The following CARD14 variants were observed in gnomAD, a reference collection of about 807,000 sequenced individuals.
CARD14 encodes caspase recruitment domain-containing protein 14.
A neutral mutation model predicts 111.5 loss-of-function variants in CARD14; 107 were observed. That is an observed-to-expected ratio of 0.96 (90% CI 0.82 to 1.13). The LOEUF (loss-of-function observed/expected upper bound fraction) is 1.13. Among genes scored for constraint, CARD14 ranks in the 50% most tolerant of loss-of-function variants. The pLI, the probability that CARD14 is intolerant of heterozygous loss-of-function variation, is 0.00. For missense variants in CARD14, 1,322 were observed against 1,362.3 expected (o/e 0.97, Z 0.47); for synonymous variants, 617 against 579.6 (o/e 1.06, Z -0.93).
At position 80,187,757 on chromosome 17, in the gene CARD14, G is replaced by C. The variant is rs1001777008; in HGVS notation, c.676-620G>C. On this transcript the variant is annotated intron_variant, in intron 7 of 23. Transcript: ENST00000648509. ...GGCTGCCACACCCAGGACGGGAAGAGGGCGGGCCCGTGGCTCGAGCTCCAA... is the reference window on the plus strand; with the variant it reads ...GGCTGCCACACCCAGGACGGGAAGACGGCGGGCCCGTGGCTCGAGCTCCAA... The C allele has an allele frequency of 2.9e-5, 29 of 985,352 alleles. No homozygotes were observed. In the East Asian group the frequency reaches 3.4e-4, roughly 12 times the overall value. 61.0% of individuals were successfully genotyped at this position (985,352 alleles called of 1,614,324 possible).
At position 80,208,402 on chromosome 17, in the gene CARD14, C is replaced by T. The variant is rs1567910027; in HGVS notation, c.*57C>T. ...CTTCTGTGTGCCTGTTAATGCAGTC[C>T]TGTTCCTCAGCCCAGGCCCTCTTGG... On this transcript the variant is annotated 3_prime_UTR_variant, in exon 24 of 24. Transcript: ENST00000648509. 3 of 1,444,244 alleles carry T rather than the reference C, an allele frequency of 2.1e-6. No individual in the cohort carries two copies. Among genetic ancestry groups the T allele is most frequent in the Non-Finnish European group, 2.8e-6 (3 of 1,067,914 alleles). The allele number at this position is 1,444,244 out of a possible 1,614,324, so 89.5% of individuals were successfully genotyped here.
intron 16 of CARD14, chr17:80,199,020 C>A: frequency 1.5e-6 from 1 of 679,288 alleles, no homozygotes; most frequent in Non-Finnish European, 1.8e-6. Flanking sequence ...GCGATCACAG[C>A]TCACTGCAGC....
chr17:80,171,934 T>C (rs1318799384), intron 1 of CARD14, among the ~76,000 whole-genome samples: 1 of 152,170 alleles, frequency 6.6e-6, no homozygotes, highest in Admixed American at 6.5e-5. Flanking sequence ...CGTTGCCACC[T>C]GGACCCAGCC....
rs377287985 is a variant in CARD14, at chr17:80,191,308, C to T, written c.1090-15C>T. ...GGTGATGGCGCGGCCTCCTTACTCCCGTCGTGGCCCACAGGCGTACTCCGC... is the reference window on the plus strand; with the variant it reads ...GGTGATGGCGCGGCCTCCTTACTCCTGTCGTGGCCCACAGGCGTACTCCGC... On this transcript the variant is annotated splice_polypyrimidine_tract_variant and intron_variant, in intron 10 of 23. Coordinates refer to ENST00000648509, the MANE Select transcript of CARD14 (RefSeq NM_001366385.1). 285 of 1,602,792 alleles carry T rather than the reference C, an allele frequency of 1.8e-4. No homozygotes were observed. In the African/African-American group the frequency reaches 3.4e-3, roughly 19 times the overall value.
chr17:80,187,282 G>A (rs956394793), intron 7 of CARD14, among the ~76,000 whole-genome samples: 18 of 152,202 alleles, frequency 1.2e-4, no homozygotes, highest in Non-Finnish European at 2.9e-5. Context: ...TAAGACGGGT[G>A]CCGGACTTGT....
At chr17:80,194,100 C>A (rs767541464) in intron 12 of CARD14, among the ~76,000 whole-genome samples, 1 of 152,102 alleles carries the variant, frequency 6.6e-6, no homozygotes, top group Non-Finnish European at 1.5e-5. Context: ...GGGCTCTCTG[C>A]GTGCCACTGC....
intron 2 of CARD14, among the ~76,000 whole-genome samples, chr17:80,176,848 G>A (rs1261539397): frequency 1.3e-5 from 2 of 152,212 alleles, no homozygotes; most frequent in Admixed American, 6.5e-5. Context: ...GGCTTCTACT[G>A]GGTGGAGGCC....
Position 80,188,593 on chromosome 17 carries a change from T to C in CARD14, c.843+49T>C. The C allele has an allele frequency of 7.1e-7, 1 of 1,409,464 alleles. No individual in the cohort carries two copies. Among genetic ancestry groups the C allele is most frequent in the Non-Finnish European group, 9.3e-7 (1 of 1,076,136 alleles). 87.3% of individuals were successfully genotyped at this position (1,409,464 alleles called of 1,614,324 possible). A position where few individuals can be genotyped will look rare whatever the true frequency, so the allele number is the denominator to read the frequency against. ...AGAGCGGCCTCCTGCCTTGGGGGCTTGGCCCTCAGGCTGTGGGGTTTCTGA... is the reference window on the plus strand; with the variant it reads ...AGAGCGGCCTCCTGCCTTGGGGGCTCGGCCCTCAGGCTGTGGGGTTTCTGA... On this transcript the variant is annotated intron_variant, in intron 8 of 23. Transcript: ENST00000648509. This position sits in a 1 kb window ranked among gnomAD's most constrained non-coding sequence, Gnocchi z 4.5.
At chr17:80,181,311 G>A (rs1323070561) in intron 4 of CARD14, 108 bp from the exon 5 acceptor site, 1 of 796,300 alleles carries the variant, frequency 1.3e-6, no homozygotes, top group Non-Finnish European at 2.0e-6. Flanking sequence ...CTGGCAAAGA[G>A]TGCGCCTTGC....
At chr17:80,190,484 G>A (rs1413295925) in intron 9 of CARD14, among the ~76,000 whole-genome samples, 4 of 151,998 alleles carry the variant, frequency 2.6e-5, no homozygotes, top group Non-Finnish European at 5.9e-5. Flanking sequence ...CTGGTGGTGT[G>A]TGCCTGTAAT....
intron 20 of CARD14, 28 bp from the exon 21 acceptor site, chr17:80,205,007 C>A: frequency 6.5e-7 from 1 of 1,527,158 alleles, no homozygotes; most frequent in Non-Finnish European, 8.8e-7. Flanking sequence ...CGCAGCCTCA[C>A]CCACCCTCAG....
Position 80,188,039 on chromosome 17 carries a change from G to T in CARD14, c.676-338G>T. ...AACATGGACAAGCAGGGAAGCCAGGGAGCATGCTGGCCATCACTGCCGGCT... is the reference window on the plus strand; with the variant it reads ...AACATGGACAAGCAGGGAAGCCAGGTAGCATGCTGGCCATCACTGCCGGCT... On this transcript the variant is annotated intron_variant, in intron 7 of 23. Transcript: ENST00000648509. This position sits in a 1 kb window ranked among gnomAD's most constrained non-coding sequence, Gnocchi z 4.5. The T allele has an allele frequency of 1.1e-6, 1 of 904,166 alleles. No homozygotes were observed. The highest frequency in any genetic ancestry group is 1.3e-6 in the Non-Finnish European group (1 of 748,184). The allele number at this position is 904,166 out of a possible 1,614,324, so 56.0% of individuals were successfully genotyped here. A position where few individuals can be genotyped will look rare whatever the true frequency, so the allele number is the denominator to read the frequency against.
At position 80,188,362 on chromosome 17, in the gene CARD14, C is replaced by T. The variant is rs369763813; in HGVS notation, c.676-15C>T. Reference sequence around the variant, plus strand: ...CTGTTTCCATCGCCCTTCCTGTCGCCTCCCCACCGCACAGCTGTATCTACT... The same window carrying T: ...CTGTTTCCATCGCCCTTCCTGTCGCTTCCCCACCGCACAGCTGTATCTACT... On this transcript the variant is annotated splice_polypyrimidine_tract_variant and intron_variant, in intron 7 of 23. Transcript: ENST00000648509. The surrounding 1 kb of genome is among the most constrained non-coding windows in gnomAD (Gnocchi z 4.5). The T allele has an allele frequency of 1.1e-4, 169 of 1,604,360 alleles. No homozygotes were observed. The highest frequency in any genetic ancestry group is 1.3e-4 in the Non-Finnish European group (151 of 1,175,778).
In CARD14 at chr17:80,184,196, G is replaced by A. The variant is rs4889990; in HGVS notation, c.633G>A (p.Glu211=). 0.38 allele frequency: 584,178 copies of A among 1,554,468 alleles called. 111,074 individuals carry two copies. The highest frequency in any genetic ancestry group is 0.43 in the South Asian group (36,308 of 83,632). The change falls in exon 7 of 24, where the codon GAG becomes GAA. Residue 211 remains glutamate, a synonymous_variant. Transcript: ENST00000648509. ...TGCACTATAGCAATGCGCTGCAGGA[G>A]AAGGAGCTGGCCGCCTCACGCTGCC... ...LSLHYSNALQ[E]KELAASRCRS...
chr17:80,184,793 G>A (rs1402523620), intron 7 of CARD14, among the ~76,000 whole-genome samples: 89 of 75,412 alleles, frequency 1.2e-3, no homozygotes, highest in East Asian at 2.1e-3. Flanking sequence ...GGTCTCTGTC[G>A]TCCTCCTTTG....
At chr17:80,177,521 C>A (rs999308969) in intron 2 of CARD14, among the ~76,000 whole-genome samples, 11 of 152,040 alleles carry the variant, frequency 7.2e-5, no homozygotes, top group Non-Finnish European at 1.3e-4. Context: ...CATGGTGAAA[C>A]CTTGTCTCTA....
chr17:80,178,320 T>C (rs2289539), intron 2 of CARD14, among the ~76,000 whole-genome samples, 188 bp from the exon 3 acceptor site: 97,054 of 152,012 alleles, frequency 0.64, 31,233 homozygotes, highest in Middle Eastern at 0.74. Context: ...TGCTTCCAAG[T>C]GCTAAGGAAG....
In CARD14 at chr17:80,188,779, A is replaced by G. The variant is rs560831120; in HGVS notation, c.843+235A>G. 2 of 328,680 alleles carry G rather than the reference A, an allele frequency of 6.1e-6. No individual in the cohort carries two copies. Among genetic ancestry groups the G allele is most frequent in the South Asian group, 1.1e-4 (1 of 8,742 alleles). The allele number at this position is 328,680 out of a possible 1,614,324, so 20.4% of individuals were successfully genotyped here. On this transcript the variant is annotated intron_variant, in intron 8 of 23. Coordinates refer to ENST00000648509, the MANE Select transcript of CARD14 (RefSeq NM_001366385.1). This position sits in a 1 kb window ranked among gnomAD's most constrained non-coding sequence, Gnocchi z 4.5. ...AGAATTAAAAGCTGGAACTGGGCACAGTGGCTCATTCCTGTAATCCCAGCA... is the reference window on the plus strand; with the variant it reads ...AGAATTAAAAGCTGGAACTGGGCACGGTGGCTCATTCCTGTAATCCCAGCA...
chr17:80,201,993 A>C lies in CARD14; in HGVS notation c.1978+123A>C. The C allele has an allele frequency of 7.3e-7, 1 of 1,375,762 alleles. No individual in the cohort carries two copies. Among genetic ancestry groups the C allele is most frequent in the Non-Finnish European group, 9.9e-7 (1 of 1,012,998 alleles). The allele number at this position is 1,375,762 out of a possible 1,614,324, so 85.2% of individuals were successfully genotyped here. A position where few individuals can be genotyped will look rare whatever the true frequency, so the allele number is the denominator to read the frequency against. On this transcript the variant is annotated intron_variant, in intron 17 of 23. Coordinates refer to ENST00000648509, the MANE Select transcript of CARD14 (RefSeq NM_001366385.1). The surrounding 1 kb of genome is among the most constrained non-coding windows in gnomAD (Gnocchi z 5.0). ...CCCCAGAGCCAAGAGAGGATCAGCC[A>C]GGCTGTGCCCCAGGTCCCCAGGAGG...
Sources: allele counts gnomAD v4.1 joint callset (sites outside exome capture counted in the v4.1 genomes callset), GRCh38; gene constraint gnomAD v4.1.1; non-coding constraint Gnocchi (gnomAD v3.1); transcripts MANE v1.5; gene names NCBI Gene and HGNC (gene_info 2026-07-23, HGNC 2026-07-21).